UNC13C: variants seen among roughly 807,000 people sequenced by gnomAD.
UNC13C encodes the protein unc-13 homolog C.
Under a neutral mutation model 245.4 loss-of-function variants are expected in UNC13C, and 174 were observed. That is an observed-to-expected ratio of 0.71 (90% CI 0.63 to 0.80). UNC13C has a LOEUF of 0.80. Ranked by LOEUF, UNC13C falls within the 30% of genes least tolerant of loss-of-function variation. The pLI is 0.00. For missense variants in UNC13C, 2,829 were observed against 2,602.9 expected (o/e 1.09, Z -1.89); for synonymous variants, 992 against 895.1 (o/e 1.11, Z -1.93).
At chr15:54,161,926 C>A (rs894197862) in intron 4 of UNC13C, among the ~76,000 whole-genome samples, 5 of 150,838 alleles carry the variant, frequency 3.3e-5, no homozygotes, top group Non-Finnish European at 7.4e-5. Flanking sequence ...CCAGTCTGGG[C>A]TACAGAGAGG....
At chr15:54,539,271 G>A (rs1188669867) in intron 26 of UNC13C, among the ~76,000 whole-genome samples, 3 of 151,852 alleles carry the variant, frequency 2.0e-5, no homozygotes. Context: ...TAAGCCTTAT[G>A]TTTTGTTCTC....
chr15:54,579,103 G>A (rs1343082657), intron 30 of UNC13C, among the ~76,000 whole-genome samples: 3 of 152,180 alleles, frequency 2.0e-5, no homozygotes, highest in Non-Finnish European at 4.4e-5. Flanking sequence ...GCAGACTCAT[G>A]ATGTAGTTCG....
At chr15:54,166,690 T>C (rs1226698948) in intron 4 of UNC13C, among the ~76,000 whole-genome samples, 1 of 152,126 alleles carries the variant, frequency 6.6e-6, no homozygotes, top group Non-Finnish European at 1.5e-5. Flanking sequence ...CAAAATCAAT[T>C]TTTTTATCAG....
At chr15:54,575,554 T>A (rs1376568853) in intron 30 of UNC13C, among the ~76,000 whole-genome samples, 1 of 150,822 alleles carries the variant, frequency 6.6e-6, no homozygotes, top group African/African-American at 2.5e-5. Flanking sequence ...GCAGAAAAAC[T>A]GTTCTCAAAT....
At chr15:54,338,323 C>T (rs1455213113) in intron 16 of UNC13C, 38 bp from the exon 17 acceptor site, 1 of 1,598,038 alleles carries the variant, frequency 6.3e-7, no homozygotes. Context: ...CAATGTGTCA[C>T]TGTTGCATTT....
chr15:54,043,696 G>C (rs551655303), intron 2 of UNC13C, among the ~76,000 whole-genome samples: 38 of 152,234 alleles, frequency 2.5e-4, no homozygotes, highest in African/African-American at 8.9e-4. Context: ...ACCAGAACTT[G>C]GGATACCCTA....
chr15:54,104,588 C>G (rs768598276), intron 2 of UNC13C, among the ~76,000 whole-genome samples: 1 of 152,008 alleles, frequency 6.6e-6, no homozygotes, highest in African/African-American at 2.4e-5. Flanking sequence ...TATCAGATTT[C>G]TAACAGTCAA....
intron 4 of UNC13C, among the ~76,000 whole-genome samples, chr15:54,165,081 A>G (rs994631762): frequency 6.6e-6 from 1 of 152,146 alleles, no homozygotes; most frequent in Non-Finnish European, 1.5e-5. Flanking sequence ...AGAGTGAAGT[A>G]AGTTTAAAAA....
At chr15:54,626,709 T>G in intron 32 of UNC13C, 119 bp from the exon 33 acceptor site, 1 of 910,620 alleles carries the variant, frequency 1.1e-6, no homozygotes, top group South Asian at 1.8e-5. Context: ...ACTGATATCC[T>G]ATTTGCCAAC....
the UNC13C span, among the ~76,000 whole-genome samples, chr15:53,877,466 AATATTC>A: frequency 6.6e-6 from 1 of 152,168 alleles, no homozygotes; most frequent in African/African-American, 2.4e-5. Context: ...AACCTAGGTT[AATATTC>A]ATAGAAATTA....
Position 54,485,274 on chromosome 15 carries a change from A to T in UNC13C, c.4934-9334A>T, listed in dbSNP as rs144254686. ...TTTACATTCTTTCATCCATTTATCTATTCATCTATTCATCCATCTATGGTT... is the reference window on the plus strand; with the variant it reads ...TTTACATTCTTTCATCCATTTATCTTTTCATCTATTCATCCATCTATGGTT... On this transcript the variant is annotated intron_variant, in intron 19 of 32. Transcript: ENST00000260323. Among the ~76,000 whole-genome samples, 216 of 152,366 alleles carry T rather than the reference A, an allele frequency of 1.4e-3. 2 individuals carry two copies. The highest frequency in any genetic ancestry group is 2.4e-3 in the Non-Finnish European group (164 of 68,036).
chr15:53,924,050 CAAAA>C, the UNC13C span, among the ~76,000 whole-genome samples: 1 of 151,746 alleles, frequency 6.6e-6, no homozygotes, highest in African/African-American at 2.4e-5. Context: ...TAAAAACACA[CAAAA>C]AAATTAGCCG....
chr15:54,622,221 C>T, intron 30 of UNC13C, 106 bp from the exon 31 acceptor site: 1 of 779,310 alleles, frequency 1.3e-6, no homozygotes, highest in East Asian at 2.5e-5. Flanking sequence ...ATGGAAAGAA[C>T]TATTCATTTC....
the UNC13C span, among the ~76,000 whole-genome samples, chr15:53,886,709 T>C: frequency 6.6e-6 from 1 of 152,050 alleles, no homozygotes; most frequent in African/African-American, 2.4e-5. Flanking sequence ...AACTCTACAG[T>C]GGAGAAAACT....
At chr15:54,553,340 A>ATTC (rs1896941885) in intron 28 of UNC13C, among the ~76,000 whole-genome samples, 1 of 122,040 alleles carries the variant, frequency 8.2e-6, no homozygotes, top group Non-Finnish European at 1.6e-5. Flanking sequence ...ATATAATTGA[A>ATTC]TATATTGTAA....
At chr15:54,629,302 A>AAAGAT (rs979875139), downstream of UNC13C, 3 of 152,120 alleles carry the variant, frequency 2.0e-5, no homozygotes, top group African/African-American at 4.8e-5. Flanking sequence ...GGAGGAGGGA[A>AAAGAT]AAGATAAGAA....
intron 30 of UNC13C, among the ~76,000 whole-genome samples, chr15:54,593,966 A>G (rs1415631811): frequency 6.6e-6 from 1 of 152,118 alleles, no homozygotes; most frequent in African/African-American, 2.4e-5. Flanking sequence ...GCTCTATCAG[A>G]GGGAAGGTCT....
the UNC13C span, among the ~76,000 whole-genome samples, chr15:53,958,845 C>T: frequency 1.3e-5 from 2 of 152,006 alleles, no homozygotes; most frequent in Non-Finnish European, 2.9e-5. Context: ...AATATACAAT[C>T]GATTATTATT....
At chr15:54,532,119 T>G (rs1434174495) in intron 25 of UNC13C, among the ~76,000 whole-genome samples, 1 of 152,130 alleles carries the variant, frequency 6.6e-6, no homozygotes, top group Non-Finnish European at 1.5e-5. Flanking sequence ...TAATACATCA[T>G]CCAGGTATTA....
Sources: gnomAD v4.1 joint callset for allele counts (sites outside exome capture counted in the v4.1 genomes callset) on GRCh38, gnomAD v4.1.1 for gene constraint, MANE v1.5 for transcripts, NCBI Gene and HGNC (gene_info 2026-07-23, HGNC 2026-07-21) for gene names.